NBEAL1: variants seen among roughly 807,000 people sequenced by gnomAD.
NBEAL1 encodes neurobeachin like 1, also known as neurobeachin-like protein 1.
NBEAL1 carries 273 observed loss-of-function variants against 351.3 expected under a neutral mutation model. The ratio of observed to expected loss-of-function variants is 0.78; its 90% CI spans 0.70 to 0.86. The LOEUF is 0.86. Among genes scored for constraint, NBEAL1 ranks in the 40% least tolerant of loss-of-function variants. The pLI is 0.00. For synonymous variants in NBEAL1, 1,050 were observed against 1,086.4 expected, an observed-to-expected ratio of 0.97 and a Z score of 0.66; for missense variants, 2,961 against 3,201.3, an observed-to-expected ratio of 0.92 and a Z score of 1.81.
rs758314138 is a variant in NBEAL1, at chr2:203,167,359, A to C, written c.5996A>C (p.Glu1999Ala). Residue 1999 changes from glutamate to alanine, a missense_variant and splice_region_variant, in exon 38 of 56, where the codon GAG becomes GCG. Coordinates refer to ENST00000683969, the MANE Select transcript of NBEAL1 (RefSeq NM_001378026.1). ...AACTACTTTCTCAATTTCAAAAAAG[A>C]GGTATGTATTATGGTTTCAGGAAAT... ...QSNYFLNFKKEVRNKIYSRLL... is the reference protein window; with the variant it reads ...QSNYFLNFKKAVRNKIYSRLL... 3 of 1,608,724 alleles carry C rather than the reference A, an allele frequency of 1.9e-6. No homozygotes were observed. The highest frequency in any genetic ancestry group is 4.5e-5 in the East Asian group (2 of 44,664).
chr2:203,136,526 G>T, intron 28 of NBEAL1, 73 bp from the exon 29 acceptor site: 1 of 1,116,702 alleles, frequency 9.0e-7, no homozygotes. Flanking sequence ...ATGAGTATAT[G>T]TAATGGTTCT....
chr2:203,065,133 CCTATGATCCTAGCTTTGCA>C (rs1324689571), intron 6 of NBEAL1, among the ~76,000 whole-genome samples: 2 of 152,008 alleles, frequency 1.3e-5, no homozygotes, highest in Admixed American at 1.3e-4. Context: ...GTGGCTTGCA[CCTATGATCCTAGCTTTGCA>C]GGAGGCTGAG....
rs1033829389 is a variant in NBEAL1, at chr2:203,142,885, G to T, written c.4849-1715G>T. 4.6e-5 allele frequency among the ~76,000 whole-genome samples: 7 copies of T among 152,234 alleles called. 1 individual carries two copies. In the East Asian group the frequency reaches 1.4e-3, roughly 29 times the overall value. On this transcript the variant is annotated intron_variant, in intron 31 of 55. Coordinates refer to ENST00000683969, the MANE Select transcript of NBEAL1 (RefSeq NM_001378026.1). ...TGGGTTGGGGGAAAATATGAGCAGG[G>T]TAGAGAAGTCAGAGCTTTGAGTCAT... is the stretch of plus-strand genomic sequence containing the variant.
At chr2:203,131,905 T>G in intron 25 of NBEAL1, 68 bp from the exon 26 acceptor site, 4 of 1,165,064 alleles carry the variant, frequency 3.4e-6, no homozygotes, top group Non-Finnish European at 4.7e-6. Context: ...TAAGTTAACA[T>G]TTTTAATGTT....
At chr2:203,067,456 C>G (rs2061612457) in intron 6 of NBEAL1, among the ~76,000 whole-genome samples, 1 of 152,164 alleles carries the variant, frequency 6.6e-6, no homozygotes, top group African/African-American at 2.4e-5. Context: ...TCCAGCTATG[C>G]TTATCCTATG....
chr2:203,165,293 T>C (rs113490971), intron 36 of NBEAL1, among the ~76,000 whole-genome samples: 2,866 of 152,334 alleles, frequency 0.019, 39 homozygotes, highest in Non-Finnish European at 0.026. Context: ...AAGTAAGGTA[T>C]GGCAATAGTA....
At chr2:203,040,091 C>G (rs1165716280) in intron 2 of NBEAL1, 4 of 835,494 alleles carry the variant, frequency 4.8e-6, no homozygotes, top group South Asian at 4.1e-5. Context: ...CATGATCAGT[C>G]CTTCAACACT....
chr2:203,103,115 T>C (rs763912332), intron 12 of NBEAL1, among the ~76,000 whole-genome samples: 1 of 152,094 alleles, frequency 6.6e-6, no homozygotes, highest in Non-Finnish European at 1.5e-5. Flanking sequence ...ATAGTAGTCT[T>C]TGTGGGTTTT....
intron 2 of NBEAL1, among the ~76,000 whole-genome samples, chr2:203,028,229 G>A (rs2060892057): frequency 6.6e-6 from 1 of 151,330 alleles, no homozygotes; most frequent in Non-Finnish European, 1.5e-5. Context: ...TGTTGCCCAG[G>A]CTGATCTTGA....
chr2:203,056,096 A>G (rs985629811), intron 4 of NBEAL1, among the ~76,000 whole-genome samples: 3 of 152,234 alleles, frequency 2.0e-5, no homozygotes, highest in Admixed American at 6.5e-5. Context: ...GTAGATGTAC[A>G]TAGTTGCTTA....
chr2:203,113,028 G>T lies in NBEAL1; in HGVS notation c.2216G>T (p.Cys739Phe), dbSNP rs768325442. 21 of 1,479,668 alleles carry T rather than the reference G, an allele frequency of 1.4e-5. No homozygotes were observed. The highest frequency in any genetic ancestry group is 1.9e-5 in the Non-Finnish European group (21 of 1,112,014). 91.7% of individuals were successfully genotyped at this position (1,479,668 alleles called of 1,614,324 possible). The change falls in exon 17 of 56, where the codon TGT becomes TTT. Residue 739 changes from cysteine (C) to phenylalanine (F), a missense_variant. Transcript: ENST00000683969. ...FPAMNEPFTS[C>F]CIGSAGQRTT... ...GTTTGTTTTTAGCCCTTTACTTCCTGTTGCATTGGTTCAGCTGGGCAAAGA... is the reference window on the plus strand; with the variant it reads ...GTTTGTTTTTAGCCCTTTACTTCCTTTTGCATTGGTTCAGCTGGGCAAAGA...
At chr2:203,191,275 T>G in intron 46 of NBEAL1, 1 of 1,192,058 alleles carries the variant, frequency 8.4e-7, no homozygotes, top group Non-Finnish European at 1.2e-6. Flanking sequence ...CCCAGCCAGT[T>G]AAGCACAAAG....
At chr2:203,174,174 G>A (rs1480880082) in intron 41 of NBEAL1, among the ~76,000 whole-genome samples, 1 of 111,158 alleles carries the variant, frequency 9.0e-6, no homozygotes, top group Non-Finnish European at 1.7e-5. Context: ...CTGTTACCTT[G>A]GCCACAAAAG....
chr2:203,159,192 C>G (rs370157860), intron 36 of NBEAL1, among the ~76,000 whole-genome samples: 4 of 152,044 alleles, frequency 2.6e-5, no homozygotes, highest in African/African-American at 9.7e-5. Flanking sequence ...CCAGGGAGGT[C>G]TTTATTTTTG....
intron 55 of NBEAL1, 196 bp downstream of exon 55, chr2:203,213,849 A>C: frequency 1.1e-6 from 1 of 928,560 alleles, no homozygotes; most frequent in Non-Finnish European, 1.3e-6. Context: ...TTGAAAGCCC[A>C]CCTTTGGCAA....
At chr2:203,171,626 A>T (rs2064320946) in intron 39 of NBEAL1, among the ~76,000 whole-genome samples, 1 of 151,866 alleles carries the variant, frequency 6.6e-6, no homozygotes, top group South Asian at 2.1e-4. Flanking sequence ...AATAAATAAA[A>T]TAAAAATTTT....
rs989135287 is a variant in NBEAL1 at position 203,125,414 on chromosome 2, C to T, written c.2745C>T (p.His915=). 18 of 1,548,446 alleles carry T rather than the reference C, an allele frequency of 1.2e-5. No homozygotes were observed. In the African/African-American group the frequency reaches 2.5e-4, roughly 21 times the overall value. ...TTCCTTTATTGGAACAAATCAGCCA[C>T]TTTAGTGAAGGACAGATTCCTGAAG... ...VLFPLLEQIS[H]FSEGQIPEEK... Residue 915 remains histidine (H), a synonymous_variant, in exon 20 of 56, where the codon CAC becomes CAT. Transcript: ENST00000683969.
Position 203,083,913 on chromosome 2 carries a change from C to T in NBEAL1, c.991+388C>T, listed in dbSNP as rs895598793. Among the ~76,000 whole-genome samples the T allele has an allele frequency of 1.4e-4, 21 of 151,840 alleles. 1 individual carries two copies. The highest frequency in any genetic ancestry group is 5.1e-4 in the African/African-American group (21 of 41,380). ...GCCTCTATAACATCTCTGTAGAGGT[C>T]GCTTCAAAAATCTGCCCTTTCTCTA... On this transcript the variant is annotated intron_variant, in intron 9 of 55. Transcript: ENST00000683969.
At chr2:203,065,700 C>T (rs569869326) in intron 6 of NBEAL1, among the ~76,000 whole-genome samples, 2 of 151,690 alleles carry the variant, frequency 1.3e-5, no homozygotes, top group African/African-American at 2.4e-5. Flanking sequence ...TGCAGTGAGC[C>T]GAGATTGCGC....
Sources: gnomAD v4.1 joint callset for allele counts (sites outside exome capture counted in the v4.1 genomes callset) on GRCh38, gnomAD v4.1.1 for gene constraint, MANE v1.5 for transcripts, NCBI Gene and HGNC (gene_info 2026-07-23, HGNC 2026-07-21) for gene names.